The following KMT2C variants were observed in gnomAD, a reference collection of about 807,000 sequenced individuals.
The protein encoded by KMT2C is histone-lysine N-methyltransferase 2C.
Under a neutral mutation model 507.9 loss-of-function variants are expected in KMT2C, and 88 were observed. The ratio of observed to expected loss-of-function variants is 0.17; its 90% CI spans 0.15 to 0.21. The LOEUF (loss-of-function observed/expected upper bound fraction) is 0.21, where lower values mean the gene tolerates loss of function less well. KMT2C is among the 10% of genes least tolerant of loss of function. The probability of loss-of-function intolerance (pLI) is 1.00; values close to 1 mark genes in which losing one functional copy is unlikely to be tolerated. For missense variants in KMT2C, 4,954 were observed against 5,957.8 expected, an observed-to-expected ratio of 0.83 and a Z score of 5.55; for synonymous variants, 2,049 against 2,080.8, an observed-to-expected ratio of 0.98 and a Z score of 0.42.
intron 3 of KMT2C, among the ~76,000 whole-genome samples, chr7:152,321,171 T>C (rs916059152): frequency 6.6e-6 from 1 of 151,802 alleles, no homozygotes; most frequent in African/African-American, 2.4e-5. Flanking sequence ...GAGGTGGTGG[T>C]TCCAGTGAGC....
At position 152,273,755 on chromosome 7, in the gene KMT2C, C is replaced by T. The variant is rs780548283; in HGVS notation, c.962G>A (p.Ser321Asn). The T allele has an allele frequency of 4.1e-4, 665 of 1,614,082 alleles. 1 individual carries two copies. The East Asian group carries it at 0.013, about 33-fold the overall frequency. Residue 321 changes from serine (S) to asparagine (N), a missense_variant, in exon 7 of 59, where the codon AGT (serine) becomes AAT (asparagine). Physicochemically the swap from Ser to Asn is conservative, Grantham distance 46. Coordinates refer to ENST00000262189, the MANE Select transcript of KMT2C (RefSeq NM_170606.3). ...TTCTGGACAAAGCAGGAAGATGTGA[C>T]TGAAATCCTGAAAGGTGCCGGCTCC... ...AAGAGTFQDFSHIFLLCPEHI... is the reference protein window; with the variant it reads ...AAGAGTFQDFNHIFLLCPEHI...
At chr7:152,305,383 T>C (rs772047537) in intron 6 of KMT2C, among the ~76,000 whole-genome samples, 2 of 152,174 alleles carry the variant, frequency 1.3e-5, no homozygotes, top group Non-Finnish European at 2.9e-5. Context: ...GGGCAACACA[T>C]GCATTATGAA....
At chr7:152,372,385 A>C (rs1014948566) in intron 1 of KMT2C, among the ~76,000 whole-genome samples, 5 of 152,016 alleles carry the variant, frequency 3.3e-5, no homozygotes, top group African/African-American at 1.2e-4. Flanking sequence ...CAAACTCCTG[A>C]CCTCAGGTGA....
At chr7:152,367,788 C>T (rs1431203400) in intron 1 of KMT2C, 12 of 968,088 alleles carry the variant, frequency 1.2e-5, no homozygotes, top group South Asian at 1.2e-4. Context: ...TGCAGAATCA[C>T]GAGTGAACAG....
At position 152,162,740 on chromosome 7, in the gene KMT2C, CTCTTTTCTTCTTTCTTGT is replaced by C; in HGVS notation, c.10819_10836del (p.Thr3607_Arg3612del). The C allele has an allele frequency of 6.2e-7, 1 of 1,614,216 alleles. No individual in the cohort carries two copies. The highest frequency in any genetic ancestry group is 8.5e-7 in the Non-Finnish European group (1 of 1,180,036). The stretch of plus-strand genomic sequence containing the variant: ...GCCTTGGTGGATTCTGCATCATCAT[CTCTTTTCTTCTTTCTTGT>C]TCTTTTCTTTTTCCCTTTTTCCTCT... On this transcript the variant is annotated inframe_deletion, in exon 43 of 59. Coordinates refer to ENST00000262189, the MANE Select transcript of KMT2C (RefSeq NM_170606.3).
chr7:152,285,147 A>C (rs2096275495), intron 6 of KMT2C, among the ~76,000 whole-genome samples: 3 of 152,298 alleles, frequency 2.0e-5, no homozygotes, highest in Non-Finnish European at 2.9e-5. Flanking sequence ...ATTGAACGAA[A>C]CTTAACTGTA....
chr7:152,223,608 A>C (rs1026824407), intron 20 of KMT2C, among the ~76,000 whole-genome samples: 3 of 152,110 alleles, frequency 2.0e-5, no homozygotes, highest in African/African-American at 7.2e-5. Flanking sequence ...ATCCTGGCCA[A>C]CATGGTGAAA....
intron 6 of KMT2C, among the ~76,000 whole-genome samples, chr7:152,281,505 G>C (rs1373622250): frequency 6.6e-6 from 1 of 152,196 alleles, no homozygotes; most frequent in East Asian, 1.9e-4. Flanking sequence ...GCAGAGGTAG[G>C]TGGATCACCT....
At chr7:152,427,720 C>T (rs924783339) in intron 1 of KMT2C, among the ~76,000 whole-genome samples, 2 of 152,196 alleles carry the variant, frequency 1.3e-5, no homozygotes, top group Admixed American at 6.5e-5. Context: ...TAATCCTTTA[C>T]TAATTCCCAT....
intron 9 of KMT2C, among the ~76,000 whole-genome samples, chr7:152,262,671 A>G (rs1247330916): frequency 2.0e-5 from 3 of 152,252 alleles, no homozygotes; most frequent in Non-Finnish European, 4.4e-5. Flanking sequence ...AATTACACTG[A>G]GTTAAAGAAG....
rs1439170675 is a variant in KMT2C, at chr7:152,180,885, C to T, written c.6975G>A (p.Gln2325=). 3 of 1,614,168 alleles carry T rather than the reference C, an allele frequency of 1.9e-6. No homozygotes were observed. The highest frequency in any genetic ancestry group is 2.5e-6 in the Non-Finnish European group (3 of 1,180,040). ...AGCTCCCCTCTGATCCAGGCCTTGG[C>T]TGATCAGCAACATCATGGGCAGTTT... ...TSQTAHDVAD[Q]PRPGSEGSFC... is the part of the protein sequence containing the mutation. Residue 2325 remains glutamine (Q), a synonymous_variant, in exon 36 of 59, where the codon CAG becomes CAA. Transcript: ENST00000262189.
chr7:152,364,934 G>GACAGACACACACACAC (rs1554680382), intron 1 of KMT2C, among the ~76,000 whole-genome samples: 64 of 138,158 alleles, frequency 4.6e-4, no homozygotes, highest in African/African-American at 1.4e-3. Context: ...GAAACAGACA[G>GACAGACACACACACAC]ACACACACAC....
intron 4 of KMT2C, among the ~76,000 whole-genome samples, chr7:152,314,309 A>G (rs2096703066): frequency 6.6e-6 from 1 of 152,192 alleles, no homozygotes; most frequent in Admixed American, 6.5e-5. Context: ...GAGTGATTAC[A>G]TCATAACCCT....
At chr7:152,229,059 T>C (rs1223460980) in intron 18 of KMT2C, among the ~76,000 whole-genome samples, 1 of 152,238 alleles carries the variant, frequency 6.6e-6, no homozygotes, top group Non-Finnish European at 1.5e-5. Flanking sequence ...ACTGACATTT[T>C]ACTGACAATG....
intron 58 of KMT2C, chr7:152,137,270 C>G (rs979199139): frequency 1.0e-5 from 2 of 191,434 alleles, no homozygotes; most frequent in Non-Finnish European, 2.2e-5. Flanking sequence ...AACCCAGAAG[C>G]CTTTCACCTC....
At chr7:152,331,234 TGG>T (rs1239072654) in intron 2 of KMT2C, among the ~76,000 whole-genome samples, 3 of 151,676 alleles carry the variant, frequency 2.0e-5, no homozygotes, top group Non-Finnish European at 4.4e-5. Flanking sequence ...GCCTTGAACC[TGG>T]GAGCCAGAGG....
chr7:152,368,653 A>G, intron 1 of KMT2C: 1 of 1,457,834 alleles, frequency 6.9e-7, no homozygotes, highest in East Asian at 2.3e-5. Context: ...GAAAGGGAAG[A>G]TCTTTTAAAC....
intron 57 of KMT2C, 84 bp downstream of exon 57, chr7:152,139,102 C>A: frequency 1.7e-5 from 23 of 1,337,408 alleles, no homozygotes; most frequent in Non-Finnish European, 2.4e-5. Flanking sequence ...GCCGTGAGAG[C>A]CTTTCCCTTG....
At chr7:152,370,724 G>GT (rs2097287541) in intron 1 of KMT2C, among the ~76,000 whole-genome samples, 1 of 152,170 alleles carries the variant, frequency 6.6e-6, no homozygotes, top group South Asian at 2.1e-4. Flanking sequence ...ATCAATCAAT[G>GT]TAATCTACCA....
Sources: allele counts gnomAD v4.1 joint callset (sites outside exome capture counted in the v4.1 genomes callset), GRCh38; gene constraint gnomAD v4.1.1; transcripts MANE v1.5; gene names NCBI Gene and HGNC (gene_info 2026-07-23, HGNC 2026-07-21).